Variants in U2SURP observed in about 807,000 individuals in gnomAD.
U2SURP encodes U2 snRNP-associated SURP motif-containing protein.
In U2SURP, 9 loss-of-function variants were observed where a neutral mutation model predicts 144.9. That is an observed-to-expected ratio of 0.06 (90% CI 0.04 to 0.11). U2SURP has a LOEUF of 0.11. U2SURP is among the 10% of genes least tolerant of loss of function. U2SURP has a pLI of 1.00. For synonymous variants in U2SURP, 408 were observed against 396.8 expected (o/e 1.03, Z -0.33); for missense variants, 724 against 1,226.7 (o/e 0.59, Z 6.12).
At chr3:143,041,873 ATTGT>A (rs1353847013) in intron 23 of U2SURP, among the ~76,000 whole-genome samples, 1 of 152,018 alleles carries the variant, frequency 6.6e-6, no homozygotes, top group African/African-American at 2.4e-5. Flanking sequence ...CACAGTCAAC[ATTGT>A]TTGTAAGGAA....
rs1433448502 is a variant in U2SURP at position 143,057,713 on chromosome 3, T to TG, written c.*1266dup. The TG allele has an allele frequency of 1.3e-5, 2 of 151,880 alleles. No homozygotes were observed. Among genetic ancestry groups the TG allele is most frequent in the Non-Finnish European group, 2.9e-5 (2 of 67,826 alleles). 9.4% of individuals were successfully genotyped at this position (151,880 alleles called of 1,614,324 possible). Reference sequence around the variant, plus strand: ...GTAGGCACTTCATACACTGGTTTGATGGGTTTTTTTTTTCCTCCCTAAAAG... The same window carrying TG: ...GTAGGCACTTCATACACTGGTTTGATGGGGTTTTTTTTTTCCTCCCTAAAAG... On this transcript the variant is annotated 3_prime_UTR_variant, in exon 28 of 28. Transcript: ENST00000473835.
chr3:143,047,860 C>T (rs1331182717), intron 24 of U2SURP, among the ~76,000 whole-genome samples: 3 of 89,136 alleles, frequency 3.4e-5, no homozygotes, highest in African/African-American at 9.2e-5. Flanking sequence ...CCGGACGGGG[C>T]GGCTGGCCGG....
At chr3:143,055,184 G>T (rs2108322280) in intron 27 of U2SURP, 65 bp downstream of exon 27, 6 of 1,344,584 alleles carry the variant, frequency 4.5e-6, no homozygotes, top group Non-Finnish European at 6.0e-6. Flanking sequence ...ATCAGCTTTT[G>T]AAAATAATTT....
chr3:143,041,263 T>TA (rs1934088123), intron 23 of U2SURP, among the ~76,000 whole-genome samples: 1 of 151,948 alleles, frequency 6.6e-6, no homozygotes, highest in Non-Finnish European at 1.5e-5. Flanking sequence ...GAAACACTTG[T>TA]ATAATTTTAT....
In U2SURP at chr3:143,058,039, T is replaced by C; in HGVS notation, c.*1589T>C. On this transcript the variant is annotated 3_prime_UTR_variant, in exon 28 of 28. Coordinates refer to ENST00000473835, the MANE Select transcript of U2SURP (RefSeq NM_001080415.2). ...TGTTAGTCCATTTTGTTAGGAAACA[T>C]TAATTCCTAAAAATTTGTTCAGAAT... 6.6e-6 allele frequency: 1 copy of C among 152,450 alleles called. No homozygotes were observed. Among genetic ancestry groups the C allele is most frequent in the South Asian group, 2.1e-4 (1 of 4,828 alleles). 9.4% of individuals were successfully genotyped at this position (152,450 alleles called of 1,614,324 possible).
At chr3:143,012,479 G>A (rs1023447286) in intron 3 of U2SURP, 126 bp downstream of exon 3, 2 of 933,316 alleles carry the variant, frequency 2.1e-6, no homozygotes, top group Admixed American at 3.8e-5. Context: ...TTTGAAAATA[G>A]CATTCTTTTT....
At chr3:143,013,525 G>A (rs762402967) in intron 3 of U2SURP, among the ~76,000 whole-genome samples, 7 of 151,900 alleles carry the variant, frequency 4.6e-5, no homozygotes, top group Non-Finnish European at 7.4e-5. Context: ...CATTTTAGTA[G>A]GAGAGAGAAA....
At chr3:143,019,772 G>A (rs1373168143) in intron 6 of U2SURP, among the ~76,000 whole-genome samples, 197 bp from the exon 7 acceptor site, 3 of 152,166 alleles carry the variant, frequency 2.0e-5, no homozygotes, top group Non-Finnish European at 2.9e-5. Flanking sequence ...TTGTTTAATT[G>A]TAGTAATAAT....
Position 143,001,622 on chromosome 3 carries a change from G to A in U2SURP, c.-7G>A. ...CTGCCGCCGCCGAAGGAGGGGCAAA[G>A]CTCAAGATGGCGGACAAAACGCCAG... On this transcript the variant is annotated 5_prime_UTR_variant, in exon 1 of 28. Coordinates refer to ENST00000473835, the MANE Select transcript of U2SURP (RefSeq NM_001080415.2). 2.5e-6 allele frequency: 4 copies of A among 1,614,000 alleles called. No individual in the cohort carries two copies. The highest frequency in any genetic ancestry group is 3.4e-6 in the Non-Finnish European group (4 of 1,179,894).
chr3:143,057,642 A>C lies in U2SURP; in HGVS notation c.*1192A>C, dbSNP rs1255286999. ...TAAATATAATAAAGGGTTATGTAGA[A>C]TTGAACTGACACTATTATTTGTGAA... On this transcript the variant is annotated 3_prime_UTR_variant, in exon 28 of 28. Transcript: ENST00000473835. 6.6e-6 allele frequency: 1 copy of C among 151,954 alleles called. No individual in the cohort carries two copies. The highest frequency in any genetic ancestry group is 1.5e-5 in the Non-Finnish European group (1 of 67,848). 9.4% of individuals were successfully genotyped at this position (151,954 alleles called of 1,614,324 possible).
At chr3:143,011,932 T>G (rs2124541) in intron 2 of U2SURP, 341,085 of 521,086 alleles carry the variant, frequency 0.65, 112,537 homozygotes, top group African/African-American at 0.75. Context: ...TGAATCAGAC[T>G]TGGGGATTTT....
intron 24 of U2SURP, among the ~76,000 whole-genome samples, 157 bp downstream of exon 24, chr3:143,043,433 C>T (rs916200901): frequency 4.6e-5 from 7 of 152,152 alleles, no homozygotes; most frequent in Admixed American, 1.3e-4. Flanking sequence ...CCTCTTAGTT[C>T]AACCGTCTGT....
At chr3:143,043,888 C>A (rs551979052) in intron 24 of U2SURP, among the ~76,000 whole-genome samples, 1 of 151,732 alleles carries the variant, frequency 6.6e-6, no homozygotes, top group Non-Finnish European at 1.5e-5. Flanking sequence ...CCTGCCTCAG[C>A]CTCCGGAGTA....
chr3:143,033,014 T>G (rs1933592368), intron 17 of U2SURP, 68 bp downstream of exon 17: 1 of 1,536,678 alleles, frequency 6.5e-7, no homozygotes, highest in African/African-American at 1.4e-5. Context: ...TGGTTTCCTT[T>G]TTGCACAAAG....
intron 1 of U2SURP, among the ~76,000 whole-genome samples, chr3:143,003,684 T>A (rs1270656355): frequency 1.6e-5 from 1 of 61,010 alleles, no homozygotes; most frequent in East Asian, 5.5e-4. Context: ...TTTCTTTTTT[T>A]TTTTTTTTTT....
chr3:143,025,952 A>G (rs541278983), intron 13 of U2SURP: 10 of 152,262 alleles, frequency 6.6e-5, no homozygotes, highest in Admixed American at 1.3e-4. Flanking sequence ...TTGTTCTATA[A>G]CTATATATTT....
intron 20 of U2SURP, among the ~76,000 whole-genome samples, chr3:143,036,521 A>G (rs1199122361): frequency 6.6e-6 from 1 of 152,168 alleles, no homozygotes; most frequent in Admixed American, 6.5e-5. Flanking sequence ...TACCTCCTAA[A>G]TAATTACTGA....
intron 23 of U2SURP, among the ~76,000 whole-genome samples, chr3:143,039,836 G>A (rs909473022): frequency 6.6e-6 from 1 of 151,830 alleles, no homozygotes; most frequent in Admixed American, 6.6e-5. Flanking sequence ...AGTTTGATAC[G>A]ATGGTGAAAA....
intron 1 of U2SURP, among the ~76,000 whole-genome samples, chr3:143,009,647 C>T (rs1452356330): frequency 6.6e-6 from 1 of 151,844 alleles, no homozygotes; most frequent in Non-Finnish European, 1.5e-5. Flanking sequence ...GGTCCCAGTG[C>T]TTGGTTGTCC....
Sources: allele counts gnomAD v4.1 joint callset (sites outside exome capture counted in the v4.1 genomes callset), GRCh38; gene constraint gnomAD v4.1.1; transcripts MANE v1.5; gene names NCBI Gene and HGNC (gene_info 2026-07-23, HGNC 2026-07-21).